CAPSL: variants seen among roughly 807,000 people sequenced by gnomAD.
CAPSL encodes calcyphosin-like protein.
A neutral mutation model predicts 21.3 loss-of-function variants in CAPSL; 17 were observed. The ratio of observed to expected loss-of-function variants is 0.80; its 90% CI spans 0.55 to 1.20. CAPSL has a LOEUF of 1.20. Ranked by LOEUF, CAPSL falls within the 50% of genes most tolerant of loss-of-function variation. CAPSL has a pLI of 0.00. For synonymous variants in CAPSL, 102 were observed against 89.3 expected (o/e 1.14, Z -0.80); for missense variants, 289 against 259.3 (o/e 1.11, Z -0.79).
rs763669547 is a variant in CAPSL at position 35,909,969 on chromosome 5, T to C, written c.422A>G (p.Asn141Ser). The change falls in exon 4 of 5, where the codon AAT (asparagine) becomes AGT (serine). Residue 141 changes from asparagine to serine, a missense_variant. Coordinates refer to ENST00000651391, the MANE Select transcript of CAPSL (RefSeq NM_001042625.2). ...ITIEDLREVY[N>S]AKHHPKYQNG... is the part of the protein sequence containing the mutation. The stretch of plus-strand genomic sequence containing the variant: ...CTGGTACTTTGGGTGGTGTTTTGCA[T>C]TATATACTTCACGAAGGTCTTCGAT... 2.5e-6 allele frequency: 4 copies of C among 1,613,814 alleles called. No homozygotes were observed. Among genetic ancestry groups the C allele is most frequent in the Non-Finnish European group, 3.4e-6 (4 of 1,179,914 alleles).
intron 1 of CAPSL, among the ~76,000 whole-genome samples, chr5:35,928,365 G>T (rs1738736406): frequency 6.6e-6 from 1 of 152,172 alleles, no homozygotes; most frequent in South Asian, 2.1e-4. Flanking sequence ...GCTAGGAAGT[G>T]AATAAATAGT....
chr5:35,924,551 A>G (rs1738620890), intron 1 of CAPSL, among the ~76,000 whole-genome samples: 1 of 152,118 alleles, frequency 6.6e-6, no homozygotes, highest in African/African-American at 2.4e-5. Flanking sequence ...GAGTCTAATA[A>G]ATTCAAGGGG....
At chr5:35,906,947 G>A (rs1413799345) in intron 4 of CAPSL, among the ~76,000 whole-genome samples, 1 of 152,194 alleles carries the variant, frequency 6.6e-6, no homozygotes. Context: ...CTCTTAGCTA[G>A]GTGTTTGCTT....
At chr5:35,918,743 C>G (rs1409270031) in intron 2 of CAPSL, among the ~76,000 whole-genome samples, 12 of 152,012 alleles carry the variant, frequency 7.9e-5, no homozygotes, top group Admixed American at 7.9e-4. Flanking sequence ...GTGACATTAT[C>G]AAAATAATGA....
intron 1 of CAPSL, among the ~76,000 whole-genome samples, chr5:35,922,057 G>A (rs1428794887): frequency 8.1e-6 from 1 of 122,980 alleles, no homozygotes. Context: ...GCAAAGGACA[G>A]CATGCAATGT....
intron 1 of CAPSL, among the ~76,000 whole-genome samples, chr5:35,924,040 G>T (rs1363699226): frequency 6.6e-6 from 1 of 152,060 alleles, no homozygotes. Flanking sequence ...TTTAAAGTGT[G>T]CTGGGCACGT....
intron 1 of CAPSL, among the ~76,000 whole-genome samples, chr5:35,921,438 A>G (rs1738537130): frequency 6.6e-6 from 1 of 152,208 alleles, no homozygotes; most frequent in African/African-American, 2.4e-5. Context: ...TCTTTTTTGA[A>G]CCAACATTAT....
intron 2 of CAPSL, among the ~76,000 whole-genome samples, chr5:35,912,846 C>A (rs1218029514): frequency 6.6e-6 from 1 of 152,164 alleles, no homozygotes; most frequent in Non-Finnish European, 1.5e-5. Context: ...AGCAATGGAA[C>A]AAAGCTGGAT....
At chr5:35,917,730 G>C (rs1182537200) in intron 2 of CAPSL, among the ~76,000 whole-genome samples, 1 of 152,132 alleles carries the variant, frequency 6.6e-6, no homozygotes, top group East Asian at 1.9e-4. Context: ...GTGAAGGGAG[G>C]GGGAAGTGAT....
At chr5:35,916,461 C>A (rs80209855) in intron 2 of CAPSL, among the ~76,000 whole-genome samples, 23 of 152,038 alleles carry the variant, frequency 1.5e-4, no homozygotes, top group African/African-American at 5.6e-4. Flanking sequence ...TGACTTCAAA[C>A]TATACTACAA....
Position 35,920,895 on chromosome 5 carries a change from T to G in CAPSL, c.137+89A>C, listed in dbSNP as rs1041693808. The G allele has an allele frequency of 3.5e-6, 5 of 1,414,854 alleles. No homozygotes were observed. The African/African-American group carries it at 5.7e-5, about 16-fold the overall frequency. 87.6% of individuals were successfully genotyped at this position (1,414,854 alleles called of 1,614,324 possible). On this transcript the variant is annotated intron_variant, in intron 2 of 4. Transcript: ENST00000651391. ...AACTGAGCCCCTAGGAGGAGATGAC[T>G]TCCCCAAGACCACGTGGCCAACATT...
intron 2 of CAPSL, among the ~76,000 whole-genome samples, chr5:35,919,160 T>TTA (rs139738118): frequency 0.019 from 2,458 of 129,154 alleles, 38 homozygotes; most frequent in African/African-American, 0.029. Context: ...CTTTCCTGAT[T>TTA]AAAAAAAAAA....
At chr5:35,914,899 CA>C (rs1738331494) in intron 2 of CAPSL, among the ~76,000 whole-genome samples, 1 of 151,988 alleles carries the variant, frequency 6.6e-6, no homozygotes, top group African/African-American at 2.4e-5. Flanking sequence ...AAAAACTCTT[CA>C]AAAAATCATT....
intron 4 of CAPSL, among the ~76,000 whole-genome samples, chr5:35,904,941 G>A (rs1760643071): frequency 6.6e-6 from 1 of 152,160 alleles, no homozygotes; most frequent in African/African-American, 2.4e-5. Context: ...AGGTAAGGGA[G>A]ACTGAAACTC....
intron 1 of CAPSL, among the ~76,000 whole-genome samples, chr5:35,931,824 C>G (rs1006797248): frequency 6.6e-6 from 1 of 152,114 alleles, no homozygotes; most frequent in African/African-American, 2.4e-5. Flanking sequence ...TAAGACCAAC[C>G]AGGTAGCTTT....
chr5:35,925,076 G>T (rs539339504), intron 1 of CAPSL, among the ~76,000 whole-genome samples: 51 of 152,258 alleles, frequency 3.3e-4, no homozygotes, highest in Non-Finnish European at 6.3e-4. Flanking sequence ...GCACTTGGCC[G>T]CAGCGCCACC....
intron 1 of CAPSL, among the ~76,000 whole-genome samples, chr5:35,926,730 T>A (rs1738695676): frequency 6.6e-6 from 1 of 152,172 alleles, no homozygotes; most frequent in African/African-American, 2.4e-5. Context: ...CAGAAGGGGA[T>A]CTTATTGCTA....
chr5:35,911,224 A>G (rs1216560966), intron 2 of CAPSL, among the ~76,000 whole-genome samples: 13 of 152,218 alleles, frequency 8.5e-5, no homozygotes, highest in Admixed American at 7.9e-4. Context: ...GAGGGAACAT[A>G]TACTCCCCAC....
intron 1 of CAPSL, among the ~76,000 whole-genome samples, chr5:35,923,199 T>C (rs987399412): frequency 1.3e-5 from 2 of 152,078 alleles, no homozygotes; most frequent in South Asian, 4.2e-4. Flanking sequence ...TTTGCTCTGG[T>C]TTTTCCCTGC....
Sources: allele counts gnomAD v4.1 joint callset (sites outside exome capture counted in the v4.1 genomes callset), GRCh38; gene constraint gnomAD v4.1.1; transcripts MANE v1.5; gene names NCBI Gene and HGNC (gene_info 2026-07-23, HGNC 2026-07-21).